The following ABCG8 variants were observed in gnomAD, a reference collection of about 807,000 sequenced individuals.
ABCG8 encodes the protein ATP-binding cassette sub-family G member 8.
ABCG8 carries 81 observed loss-of-function variants against 71.3 expected under a neutral mutation model. That is an observed-to-expected ratio of 1.14 (90% CI 0.95 to 1.37). The LOEUF (loss-of-function observed/expected upper bound fraction) is 1.37. Among genes scored for constraint, ABCG8 ranks in the 40% most tolerant of loss-of-function variants. The probability of loss-of-function intolerance (pLI) is 0.00; values close to 1 mark genes in which losing one functional copy is unlikely to be tolerated. For synonymous variants in ABCG8, 451 were observed against 354.7 expected (o/e 1.27, Z -3.05); for missense variants, 1,119 against 866.2 (o/e 1.29, Z -3.66).
intron 2 of ABCG8, 47 bp downstream of exon 2, chr2:43,844,655 C>A (rs764059916): frequency 1.4e-6 from 2 of 1,459,516 alleles, no homozygotes; most frequent in Non-Finnish European, 1.9e-6. Context: ...GCAGGGACAG[C>A]CAGGAAATTC....
rs768523210 is a variant in ABCG8, at chr2:43,878,948, G to T, written c.*1035G>T. The T allele has an allele frequency of 6.6e-6, 1 of 152,180 alleles. No individual in the cohort carries two copies. Among genetic ancestry groups the T allele is most frequent in the Non-Finnish European group, 1.5e-5 (1 of 68,042 alleles). The allele number at this position is 152,180 out of a possible 1,614,324, so 9.4% of individuals were successfully genotyped here. A position where few individuals can be genotyped will look rare whatever the true frequency, so the allele number is the denominator to read the frequency against. On this transcript the variant is annotated 3_prime_UTR_variant, in exon 13 of 13. Coordinates refer to ENST00000272286, the MANE Select transcript of ABCG8 (RefSeq NM_022437.3). ...TTATAAGGGGCTTCCCTCTTCGCTC[G>T]GCTCTCATTCTCTCTCCCGCTACCC...
At chr2:43,867,131 G>C (rs1334325663) in intron 6 of ABCG8, among the ~76,000 whole-genome samples, 1 of 148,640 alleles carries the variant, frequency 6.7e-6, no homozygotes, top group Non-Finnish European at 1.5e-5. Flanking sequence ...TCACTCATAG[G>C]TGGGAATTGA....
At chr2:43,871,565 G>A (rs1669775735) in intron 6 of ABCG8, among the ~76,000 whole-genome samples, 1 of 151,894 alleles carries the variant, frequency 6.6e-6, no homozygotes, top group Non-Finnish European at 1.5e-5. Flanking sequence ...TCCCCATGGA[G>A]GGGCACTGAG....
chr2:43,846,021 G>C, intron 2 of ABCG8, 134 bp from the exon 3 acceptor site: 8 of 890,816 alleles, frequency 9.0e-6, no homozygotes, highest in Non-Finnish European at 1.5e-5. Context: ...CCTGGGTTGG[G>C]GCCTATTGTG....
intron 6 of ABCG8, among the ~76,000 whole-genome samples, chr2:43,853,479 G>A (rs1339304365): frequency 5.9e-5 from 9 of 152,176 alleles, no homozygotes; most frequent in Admixed American, 5.9e-4. Context: ...GCTGAGGAAG[G>A]GCATGGCTGC....
Position 43,877,919 on chromosome 2 carries a change from G to C in ABCG8, c.*6G>C. 2.5e-6 allele frequency: 4 copies of C among 1,614,070 alleles called. No individual in the cohort carries two copies. The highest frequency in any genetic ancestry group is 2.5e-6 in the Non-Finnish European group (3 of 1,180,026). On this transcript the variant is annotated 3_prime_UTR_variant, in exon 13 of 13. Coordinates refer to ENST00000272286, the MANE Select transcript of ABCG8 (RefSeq NM_022437.3). ...AACCAAGTCAAGACTGGTGATTCAC[G>C]CCAGACGTCTGCCCGCTGGTGGGGG...
intron 11 of ABCG8, 65 bp downstream of exon 11, chr2:43,875,478 T>C (rs1352391109): frequency 6.4e-7 from 1 of 1,563,790 alleles, no homozygotes; most frequent in Non-Finnish European, 8.7e-7. Context: ...TGAAGCCTGC[T>C]TTCATCTGGA....
At position 43,880,087 on chromosome 2, in the gene ABCG8, C is replaced by T. The variant is rs1670087667; in HGVS notation, c.*2174C>T. The T allele has an allele frequency of 1.3e-5, 2 of 152,030 alleles. No homozygotes were observed. Among genetic ancestry groups the T allele is most frequent in the African/African-American group, 2.4e-5 (1 of 41,396 alleles). The allele number at this position is 152,030 out of a possible 1,614,324, so 9.4% of individuals were successfully genotyped here. A position where few individuals can be genotyped will look rare whatever the true frequency, so the allele number is the denominator to read the frequency against. Reference sequence around the variant, plus strand: ...GTCCCTGATTTGGCCAGTGGGAACCCCGTCGAGCTGGCTTCTGCATCCTTT... The same window carrying T: ...GTCCCTGATTTGGCCAGTGGGAACCTCGTCGAGCTGGCTTCTGCATCCTTT... On this transcript the variant is annotated 3_prime_UTR_variant, in exon 13 of 13. Coordinates refer to ENST00000272286, the MANE Select transcript of ABCG8 (RefSeq NM_022437.3).
chr2:43,857,626 C>T (rs1669159577), intron 6 of ABCG8, among the ~76,000 whole-genome samples: 3 of 151,040 alleles, frequency 2.0e-5, no homozygotes, highest in African/African-American at 4.9e-5. Flanking sequence ...ATTCTCACCA[C>T]CTAGATAGAA....
At chr2:43,867,270 G>A (rs1669562647) in intron 6 of ABCG8, among the ~76,000 whole-genome samples, 1 of 151,336 alleles carries the variant, frequency 6.6e-6, no homozygotes, top group South Asian at 2.1e-4. Context: ...CGGGTGCAGC[G>A]CACCAGCATG....
Position 43,852,497 on chromosome 2 carries a change from G to A in ABCG8, c.694+11G>A. On this transcript the variant is annotated intron_variant, in intron 5 of 12. Coordinates refer to ENST00000272286, the MANE Select transcript of ABCG8 (RefSeq NM_022437.3). ...TCCTGTGGAACCCAGGTGAGGGCCTGGGGGGCAGATGGGGGCAGAGGGACC... is the reference window on the plus strand; with the variant it reads ...TCCTGTGGAACCCAGGTGAGGGCCTAGGGGGCAGATGGGGGCAGAGGGACC... The A allele has an allele frequency of 6.2e-7, 1 of 1,613,428 alleles. No homozygotes were observed. Among genetic ancestry groups the A allele is most frequent in the African/African-American group, 1.3e-5 (1 of 75,030 alleles).
chr2:43,874,297 C>T, intron 9 of ABCG8, 110 bp from the exon 10 acceptor site: 2 of 1,020,024 alleles, frequency 2.0e-6, no homozygotes, highest in Admixed American at 3.5e-5. Flanking sequence ...AAATTAGAGA[C>T]TTGGGCAATA....
At chr2:43,860,555 C>A (rs1456185487) in intron 6 of ABCG8, among the ~76,000 whole-genome samples, 1 of 151,436 alleles carries the variant, frequency 6.6e-6, no homozygotes, top group Non-Finnish European at 1.5e-5. Context: ...CGATTGAAGT[C>A]TCACTATCTG....
At chr2:43,855,540 C>T (rs750064886) in intron 6 of ABCG8, among the ~76,000 whole-genome samples, 4 of 152,110 alleles carry the variant, frequency 2.6e-5, no homozygotes, top group Admixed American at 6.5e-5. Context: ...TTAGAACTCT[C>T]GCTATCTTTG....
At chr2:43,860,297 A>G (rs1336645605) in intron 6 of ABCG8, among the ~76,000 whole-genome samples, 1 of 150,556 alleles carries the variant, frequency 6.6e-6, no homozygotes, top group Non-Finnish European at 1.5e-5. Context: ...TCTGGATAGA[A>G]CTCTCACTAT....
At chr2:43,839,692 G>A (rs1255035157) in intron 1 of ABCG8, among the ~76,000 whole-genome samples, 1 of 152,042 alleles carries the variant, frequency 6.6e-6, no homozygotes, top group Non-Finnish European at 1.5e-5. Flanking sequence ...AAAGTGCTGG[G>A]ATTACAGGCA....
At position 43,874,533 on chromosome 2, in the gene ABCG8, G is replaced by T. The variant is rs761051247; in HGVS notation, c.1488+50G>T. ...GTGCCCCCCACCCACCAGGGTGGGG[G>T]TAAGTGTGGAGAAAACGTTGCTACA... is the stretch of plus-strand genomic sequence containing the variant. On this transcript the variant is annotated intron_variant, in intron 10 of 12. Coordinates refer to ENST00000272286, the MANE Select transcript of ABCG8 (RefSeq NM_022437.3). 5 of 1,480,874 alleles carry T rather than the reference G, an allele frequency of 3.4e-6. No homozygotes were observed. The African/African-American group carries it at 6.9e-5, about 21-fold the overall frequency. The allele number at this position is 1,480,874 out of a possible 1,614,324, so 91.7% of individuals were successfully genotyped here.
At chr2:43,841,135 C>T (rs1027687189) in intron 1 of ABCG8, among the ~76,000 whole-genome samples, 21 of 152,336 alleles carry the variant, frequency 1.4e-4, no homozygotes, top group Admixed American at 3.9e-4. Context: ...ACAAGTCCTG[C>T]GTGTCCTCTT....
At chr2:43,841,559 C>T (rs1668581813) in intron 1 of ABCG8, among the ~76,000 whole-genome samples, 1 of 152,182 alleles carries the variant, frequency 6.6e-6, no homozygotes, top group Non-Finnish European at 1.5e-5. Context: ...AATTTTCTTC[C>T]TCCGAAAGAT....
Sources: allele counts gnomAD v4.1 joint callset (sites outside exome capture counted in the v4.1 genomes callset), GRCh38; gene constraint gnomAD v4.1.1; transcripts MANE v1.5; gene names NCBI Gene and HGNC (gene_info 2026-07-23, HGNC 2026-07-21).